Variants in BMP8B observed in about 807,000 individuals in gnomAD.
The protein encoded by BMP8B is bone morphogenetic protein 8b.
BMP8B carries 17 observed loss-of-function variants against 30.3 expected under a neutral mutation model. The observed-to-expected ratio is 0.56, with a 90% CI of 0.38 to 0.84. BMP8B has a LOEUF of 0.84. BMP8B is among the 40% of genes least tolerant of loss of function. BMP8B has a pLI of 0.00. For missense variants in BMP8B, 253 were observed against 494.6 expected, an observed-to-expected ratio of 0.51 and a Z score of 4.63; for synonymous variants, 131 against 214.7, an observed-to-expected ratio of 0.61 and a Z score of 3.41.
At position 39,770,038 on chromosome 1, in the gene BMP8B, G is replaced by C. The variant is rs201254863; in HGVS notation, c.673+4270C>G. 1,845 of 1,392,520 alleles carry C rather than the reference G, an allele frequency of 1.3e-3. 3 individuals are homozygous for C. In the African/African-American group the frequency reaches 0.032, roughly 24 times the overall value. 86.3% of individuals were successfully genotyped at this position (1,392,520 alleles called of 1,614,324 possible). ...TGCCAGGGATCATCCAGTTCGCCAG[G>C]TCGCCGTATTTGGAAACCTGCATGG... On this transcript the variant is annotated intron_variant, in intron 3 of 6. Transcript: ENST00000372827.
chr1:39,776,993 C>G (rs1650279492), intron 1 of BMP8B, among the ~76,000 whole-genome samples: 1 of 152,090 alleles, frequency 6.6e-6, no homozygotes, highest in African/African-American at 2.4e-5. Context: ...GTTATGGGCT[C>G]AAGAGTAATG....
chr1:39,760,387 A>G lies in BMP8B; in HGVS notation c.*32T>C. The G allele has an allele frequency of 6.2e-7, 1 of 1,611,898 alleles. No homozygotes were observed. The highest frequency in any genetic ancestry group is 8.5e-7 in the Non-Finnish European group (1 of 1,179,790). ...TCTGAGGGGCCCGATCCAGATGAGA[A>G]GGGTGGCTGCAGCTGGGCCGGGCGG... is the stretch of plus-strand genomic sequence containing the variant. On this transcript the variant is annotated 3_prime_UTR_variant, in exon 7 of 7. Coordinates refer to ENST00000372827, the MANE Select transcript of BMP8B (RefSeq NM_001720.5).
chr1:39,776,243 G>C (rs371019647), intron 1 of BMP8B, among the ~76,000 whole-genome samples: 1 of 151,962 alleles, frequency 6.6e-6, no homozygotes, highest in Non-Finnish European at 1.5e-5. Context: ...CTGTAGTTGC[G>C]GAATAAAGCC....
chr1:39,762,309 C>T (rs1449472762), intron 6 of BMP8B: 89 of 530,788 alleles, frequency 1.7e-4, no homozygotes, highest in Non-Finnish European at 8.4e-5. Context: ...TCGTGTGCTG[C>T]GATTACAGGG....
chr1:39,782,773 A>G (rs1650737525), intron 1 of BMP8B, among the ~76,000 whole-genome samples: 1 of 151,874 alleles, frequency 6.6e-6, no homozygotes. Flanking sequence ...CTGGCCAGAC[A>G]CTTGCTAGGT....
chr1:39,763,236 T>C, intron 5 of BMP8B, 34 bp from the exon 6 acceptor site: 1 of 1,569,236 alleles, frequency 6.4e-7, no homozygotes, highest in South Asian at 1.2e-5. Context: ...GTCCCATCCA[T>C]GTGCCCCTCC....
At position 39,760,564 on chromosome 1, in the gene BMP8B, T is replaced by C; in HGVS notation, c.1064A>G (p.His355Arg). 1 of 1,613,616 alleles carries C rather than the reference T, an allele frequency of 6.2e-7. No individual in the cohort carries two copies. Among genetic ancestry groups the C allele is most frequent in the South Asian group, 1.1e-5 (1 of 91,070 alleles). The change falls in exon 7 of 7, where the codon CAC becomes CGC. Residue 355 changes from histidine to arginine, a missense_variant. By Grantham distance (29) the His-to-Arg change is conservative (BLOSUM62 0). Around this residue, in one of 7 missense-constraint regions of BMP8B, gnomAD observed 116 missense variants for 142.3 expected, o/e 0.81. Transcript: ENST00000372827. ...TNHAILQSLV[H>R]LMMPDAVPKA... is the part of the protein sequence containing the mutation. The stretch of plus-strand genomic sequence containing the variant: ...GGGGACTGCGTCTGGCATCATCAGG[T>C]GCACCTGGCCAGGAAGAGGGCACAG...
chr1:39,763,128 G>A lies in BMP8B; in HGVS notation c.1023C>T (p.Cys341=), dbSNP rs1649244684. The A allele has an allele frequency of 1.2e-6, 2 of 1,613,962 alleles. No individual in the cohort carries two copies. The highest frequency in any genetic ancestry group is 1.7e-6 in the Non-Finnish European group (2 of 1,179,984). The change falls in exon 6 of 7, where the codon TGC becomes TGT. Residue 341 remains cysteine, a synonymous_variant. Transcript: ENST00000372827. ...GGATGGCGTGGTTGGTGGCATTCAT[G>A]CAGGAGTCCAGTGGGAAGGAGCACT... is the stretch of plus-strand genomic sequence containing the variant. The part of the protein sequence containing the change: ...EGECSFPLDS[C]MNATNHAILQ...
At chr1:39,761,613 G>T (rs1025350772) in intron 6 of BMP8B, among the ~76,000 whole-genome samples, 2 of 151,860 alleles carry the variant, frequency 1.3e-5, no homozygotes, top group Non-Finnish European at 2.9e-5. Context: ...ACCTCCCTCC[G>T]CCCTCCTCCC....
intron 6 of BMP8B, chr1:39,762,713 G>A: frequency 6.9e-7 from 1 of 1,459,092 alleles, no homozygotes; most frequent in Non-Finnish European, 9.1e-7. Flanking sequence ...GGTCAGACTT[G>A]CCAGCGTACT....
intron 1 of BMP8B, among the ~76,000 whole-genome samples, chr1:39,780,081 G>A (rs561263113): frequency 3.3e-5 from 5 of 151,858 alleles, no homozygotes; most frequent in East Asian, 1.9e-4. Context: ...CGAGGCATCC[G>A]AGAGATGGAA....
chr1:39,780,147 T>A (rs1569852766), intron 1 of BMP8B, among the ~76,000 whole-genome samples: 2 of 152,208 alleles, frequency 1.3e-5, no homozygotes, highest in Non-Finnish European at 2.9e-5. Context: ...TAGTGTCATA[T>A]TCTATTGGTC....
intron 3 of BMP8B, chr1:39,769,465 T>C (rs1055409366): frequency 3.9e-5 from 18 of 457,410 alleles, no homozygotes; most frequent in Non-Finnish European, 6.6e-5. Context: ...CGGACATCCA[T>C]TCCTCACCAC....
intron 3 of BMP8B, among the ~76,000 whole-genome samples, chr1:39,767,254 A>G (rs1000205445): frequency 6.6e-6 from 1 of 152,110 alleles, no homozygotes; most frequent in African/African-American, 2.4e-5. Flanking sequence ...AGCTAATCCC[A>G]GGTTCCCATT....
chr1:39,788,183 G>T lies in BMP8B; in HGVS notation c.303C>A (p.Arg101=), dbSNP rs1167326303. ...DGAPAERRLG[R]ADLVMSFVNM... The stretch of plus-strand genomic sequence containing the variant: ...TAACGAAGCTCATGACCAGGTCGGC[G>T]CGGCCCAGGCGCCGCTCCGCGGGCG... Residue 101 remains arginine (R), a synonymous_variant, in exon 1 of 7, where the codon CGC becomes CGA. Transcript: ENST00000372827. This position sits in a 1 kb window ranked among gnomAD's most constrained non-coding sequence, Gnocchi z 5.8. The T allele has an allele frequency of 6.3e-7, 1 of 1,575,630 alleles. No homozygotes were observed.
chr1:39,769,459 C>T, intron 3 of BMP8B: 1 of 443,080 alleles, frequency 2.3e-6, no homozygotes, highest in South Asian at 4.1e-5. Context: ...GCAAAGCGGA[C>T]ATCCATTCCT....
rs1303183207 is a variant in BMP8B, at chr1:39,770,161, C to T, written c.673+4147G>A. 11 of 1,268,922 alleles carry T rather than the reference C, an allele frequency of 8.7e-6. No homozygotes were observed. The Admixed American group carries it at 9.3e-5, about 11-fold the overall frequency. The allele number at this position is 1,268,922 out of a possible 1,614,324, so 78.6% of individuals were successfully genotyped here. On this transcript the variant is annotated intron_variant, in intron 3 of 6. Transcript: ENST00000372827. Reference sequence around the variant, plus strand: ...CCCCGGGAAGCACCGTGACCGTCTGCTTGCCTGCATTGATGAGGTCGGCAT... The same window carrying T: ...CCCCGGGAAGCACCGTGACCGTCTGTTTGCCTGCATTGATGAGGTCGGCAT...
At position 39,788,321 on chromosome 1, in the gene BMP8B, A is replaced by G. The variant is rs944090549; in HGVS notation, c.165T>C (p.Pro55=). ...GTGGCGCGCGGGGCCGGGGCCGCCC[A>G]GGCAGCCCGAGCACCGCCAGGATCT... is the stretch of plus-strand genomic sequence containing the variant. ...QREILAVLGL[P]GRPRPRAPPA... is the part of the protein sequence containing the mutation. Residue 55 remains proline (P), a synonymous_variant, in exon 1 of 7, where the codon CCT becomes CCC. Coordinates refer to ENST00000372827, the MANE Select transcript of BMP8B (RefSeq NM_001720.5). This position sits in a 1 kb window ranked among gnomAD's most constrained non-coding sequence, Gnocchi z 5.8. 3.3e-5 allele frequency: 41 copies of G among 1,232,388 alleles called. No individual in the cohort carries two copies. Among genetic ancestry groups the G allele is most frequent in the East Asian group, 7.2e-5 (2 of 27,816 alleles). The allele number at this position is 1,232,388 out of a possible 1,614,324, so 76.3% of individuals were successfully genotyped here.
intron 1 of BMP8B, among the ~76,000 whole-genome samples, chr1:39,787,381 G>A (rs1472810358): frequency 6.6e-6 from 1 of 152,196 alleles, no homozygotes; most frequent in Non-Finnish European, 1.5e-5. Context: ...GTAACTACAT[G>A]ACCATAGACC....
Sources: gnomAD v4.1 joint callset for allele counts (sites outside exome capture counted in the v4.1 genomes callset) on GRCh38, gnomAD v4.1.1 for gene constraint, gnomAD v4.1.1 regional missense constraint, Gnocchi (gnomAD v3.1) non-coding constraint, MANE v1.5 for transcripts, NCBI Gene and HGNC (gene_info 2026-07-23, HGNC 2026-07-21) for gene names.